CDK14: variants seen among roughly 807,000 people sequenced by gnomAD.
CDK14 encodes the protein cyclin dependent kinase 14, also known as cyclin-dependent kinase 14.
In CDK14, 34 loss-of-function variants were observed where a neutral mutation model predicts 60.7. The observed-to-expected ratio is 0.56, with a 90% CI of 0.43 to 0.75. The LOEUF is 0.75. CDK14 is among the 30% of genes least tolerant of loss of function. The pLI is 0.00. For synonymous variants in CDK14, 197 were observed against 203.7 expected (o/e 0.97, Z 0.28); for missense variants, 482 against 564.1 (o/e 0.85, Z 1.47).
chr7:91,034,876 G>A (rs1052178807), intron 10 of CDK14, among the ~76,000 whole-genome samples: 6 of 150,850 alleles, frequency 4.0e-5, no homozygotes, highest in Non-Finnish European at 5.9e-5. Context: ...AGGGAATGAT[G>A]GAAGAAAGGA....
chr7:91,039,355 T>C (rs1311356444), intron 10 of CDK14, among the ~76,000 whole-genome samples: 1 of 152,228 alleles, frequency 6.6e-6, no homozygotes, highest in East Asian at 1.9e-4. Flanking sequence ...GGGGTGGTCA[T>C]GTTGTCATCA....
intron 8 of CDK14, among the ~76,000 whole-genome samples, chr7:90,948,289 G>A (rs547968949): frequency 6.6e-6 from 1 of 152,304 alleles, no homozygotes; most frequent in South Asian, 2.1e-4. Context: ...AAAATGAGAT[G>A]TAAACCAGTG....
chr7:90,987,026 A>G (rs1562857759), intron 10 of CDK14, among the ~76,000 whole-genome samples: 2 of 11,336 alleles, frequency 1.8e-4, no homozygotes, highest in African/African-American at 5.6e-4. Context: ...TAACTGAGAT[A>G]TATTATACAG....
chr7:91,029,198 T>G (rs1481207162), intron 10 of CDK14, among the ~76,000 whole-genome samples: 24 of 152,156 alleles, frequency 1.6e-4, no homozygotes, highest in Non-Finnish European at 1.3e-4. Flanking sequence ...ATTTTCCACT[T>G]TTATACTTTT....
At chr7:90,959,265 T>A (rs1003228666) in intron 9 of CDK14, among the ~76,000 whole-genome samples, 1 of 152,186 alleles carries the variant, frequency 6.6e-6, no homozygotes, top group African/African-American at 2.4e-5. Flanking sequence ...CAGCTTCCCA[T>A]GCTTACTGGC....
intron 12 of CDK14, among the ~76,000 whole-genome samples, chr7:91,110,087 A>G: frequency 6.6e-6 from 1 of 152,146 alleles, no homozygotes; most frequent in East Asian, 1.9e-4. Context: ...ACTTCCAATT[A>G]AGATATCATA....
chr7:91,196,061 G>A (rs1188112214), intron 14 of CDK14, among the ~76,000 whole-genome samples: 18 of 152,184 alleles, frequency 1.2e-4, no homozygotes, highest in Admixed American at 1.1e-3. Flanking sequence ...CCTCACTGCA[G>A]TGGCACCTCT....
intron 11 of CDK14, among the ~76,000 whole-genome samples, chr7:91,070,708 G>A (rs28628680): frequency 4.6e-5 from 7 of 152,062 alleles, no homozygotes; most frequent in African/African-American, 1.4e-4. Context: ...TGCAGTGAGC[G>A]TGATTATGCC....
At chr7:91,135,484 C>T (rs1800252168) in intron 14 of CDK14, among the ~76,000 whole-genome samples, 1 of 152,038 alleles carries the variant, frequency 6.6e-6, no homozygotes, top group African/African-American at 2.4e-5. Context: ...AGGGTGAGCC[C>T]GACAGAGAAA....
chr7:90,974,055 A>T (rs1339248059), intron 9 of CDK14, among the ~76,000 whole-genome samples: 1 of 151,648 alleles, frequency 6.6e-6, no homozygotes, highest in Non-Finnish European at 1.5e-5. Context: ...CCGTCTATAG[A>T]CCTCCCCCCA....
chr7:90,858,273 G>A (rs1790894928), intron 5 of CDK14, among the ~76,000 whole-genome samples: 1 of 152,144 alleles, frequency 6.6e-6, no homozygotes, highest in Admixed American at 6.6e-5. Context: ...TACTGAAATT[G>A]TGGGACAAAC....
chr7:90,937,415 A>G (rs530593634), intron 8 of CDK14, among the ~76,000 whole-genome samples: 2 of 152,320 alleles, frequency 1.3e-5, no homozygotes, highest in South Asian at 4.1e-4. Context: ...GTAGTGTGAA[A>G]ACCACCTCCA....
At chr7:90,777,835 C>G (rs1055525988) in intron 4 of CDK14, among the ~76,000 whole-genome samples, 2 of 152,252 alleles carry the variant, frequency 1.3e-5, no homozygotes, top group African/African-American at 4.8e-5. Context: ...TGATCATCCA[C>G]TATGCCTCAG....
intron 8 of CDK14, among the ~76,000 whole-genome samples, chr7:90,922,863 G>A (rs530157971): frequency 1.1e-4 from 17 of 152,016 alleles, no homozygotes; most frequent in Admixed American, 2.6e-4. Context: ...TTTTAGAAGC[G>A]TCTTAGGTTC....
chr7:90,751,994 T>C (rs970325634), intron 4 of CDK14, among the ~76,000 whole-genome samples: 1 of 152,180 alleles, frequency 6.6e-6, no homozygotes, highest in African/African-American at 2.4e-5. Context: ...CCTAAATATA[T>C]ATGCATGCAA....
At chr7:91,153,368 A>C (rs1562973429) in intron 14 of CDK14, among the ~76,000 whole-genome samples, 1 of 152,142 alleles carries the variant, frequency 6.6e-6, no homozygotes, top group Admixed American at 6.6e-5. Context: ...CTGTCATTTG[A>C]CCCAGCAATC....
intron 7 of CDK14, among the ~76,000 whole-genome samples, chr7:90,905,221 C>CT (rs1487683003): frequency 3.9e-5 from 6 of 152,050 alleles, no homozygotes; most frequent in African/African-American, 7.2e-5. Flanking sequence ...AGCCAGCAGG[C>CT]TAGAAGTCTC....
chr7:91,138,280 A>G (rs1173793584), intron 14 of CDK14, among the ~76,000 whole-genome samples: 3 of 152,210 alleles, frequency 2.0e-5, no homozygotes, highest in Non-Finnish European at 4.4e-5. Context: ...AGAAATTTAT[A>G]AAAGCCCATT....
chr7:90,927,815 C>A (rs1793463159), intron 8 of CDK14, among the ~76,000 whole-genome samples: 1 of 152,184 alleles, frequency 6.6e-6, no homozygotes. Context: ...TGTTTTCCAA[C>A]TTGGTTCCAT....
Sources: allele counts gnomAD v4.1 joint callset (sites outside exome capture counted in the v4.1 genomes callset), GRCh38; gene constraint gnomAD v4.1.1; transcripts MANE v1.5; gene names NCBI Gene and HGNC (gene_info 2026-07-23, HGNC 2026-07-21).